RCOR3: variants seen among roughly 807,000 people sequenced by gnomAD.
The protein encoded by RCOR3 is REST corepressor 3.
Under a neutral mutation model 64.1 loss-of-function variants are expected in RCOR3, and 13 were observed. That is an observed-to-expected ratio of 0.20 (90% confidence interval 0.13 to 0.32). The LOEUF is 0.32. Ranked by LOEUF, RCOR3 falls within the 10% of genes least tolerant of loss-of-function variation. The pLI, the probability that RCOR3 is intolerant of heterozygous loss-of-function variation, is 1.00. For synonymous variants in RCOR3, 215 were observed against 239.0 expected, an observed-to-expected ratio of 0.90 and a Z score of 0.93; for missense variants, 489 against 701.2, an observed-to-expected ratio of 0.70 and a Z score of 3.42.
chr1:211,263,382 A>T (rs968404473), intron 2 of RCOR3, among the ~76,000 whole-genome samples: 8 of 152,160 alleles, frequency 5.3e-5, no homozygotes, highest in Non-Finnish European at 1.2e-4. Context: ...GAGGAAAAAA[A>T]TCACTGAAAT....
At position 211,289,251 on chromosome 1, in the gene RCOR3, G is replaced by A. The variant is rs1290109430; in HGVS notation, c.794G>A (p.Arg265His). The A allele has an allele frequency of 3.1e-6, 5 of 1,613,930 alleles. No individual in the cohort carries two copies. Among genetic ancestry groups the A allele is most frequent in the Admixed American group, 1.7e-5 (1 of 59,996 alleles). The change falls in exon 8 of 12, where the codon CGC becomes CAC. Residue 265 changes from arginine (R) to histidine (H), a missense_variant. Around this residue, in one of 2 missense-constraint regions of RCOR3, gnomAD observed 402 missense variants for 617.0 expected, o/e 0.65. Coordinates refer to ENST00000419091, the MANE Select transcript of RCOR3 (RefSeq NM_001136223.3). ...GRREYQSLQH[R>H]HHSQRSKCRP... ...AGAGAGTATCAGAGTTTACAACATC[G>A]CCATCATTCTCAGCGTTCTAAGTGC...
chr1:211,271,932 C>T (rs992326919), intron 3 of RCOR3: 2 of 160,780 alleles, frequency 1.2e-5, no homozygotes, highest in African/African-American at 2.4e-5. Context: ...TATTAAATAA[C>T]ATCAACAACA....
intron 2 of RCOR3, chr1:211,267,759 T>C: frequency 3.3e-6 from 1 of 303,040 alleles, no homozygotes; most frequent in Non-Finnish European, 6.5e-6. Context: ...ATCCAGCTAA[T>C]TTTTTGTGTT....
At chr1:211,287,301 T>C (rs1698666728) in intron 7 of RCOR3, among the ~76,000 whole-genome samples, 1 of 152,180 alleles carries the variant, frequency 6.6e-6, no homozygotes, top group Non-Finnish European at 1.5e-5. Flanking sequence ...TTTAGCATTT[T>C]GGCTTGTCTC....
At chr1:211,280,965 CAA>C (rs1050140116) in intron 7 of RCOR3, among the ~76,000 whole-genome samples, 4 of 118,598 alleles carry the variant, frequency 3.4e-5, no homozygotes, top group South Asian at 2.9e-4. Context: ...GCCTGGGTAA[CAA>C]GAGCGAAACT....
intron 9 of RCOR3, among the ~76,000 whole-genome samples, chr1:211,300,685 C>A (rs1421803986): frequency 6.6e-6 from 1 of 152,116 alleles, no homozygotes; most frequent in African/African-American, 2.4e-5. Flanking sequence ...TTAAATTACA[C>A]AAATTTATCC....
At chr1:211,304,574 T>C (rs1226927896) in intron 10 of RCOR3, among the ~76,000 whole-genome samples, 1 of 152,228 alleles carries the variant, frequency 6.6e-6, no homozygotes, top group Non-Finnish European at 1.5e-5. Flanking sequence ...AAATATTAAC[T>C]ATATGTTTAA....
At chr1:211,308,661 GTTTTTTTTTT>G (rs780896956) in intron 10 of RCOR3, among the ~76,000 whole-genome samples, 6 of 27,488 alleles carry the variant, frequency 2.2e-4, no homozygotes, top group Non-Finnish European at 4.8e-4. Context: ...TTTTGGATGT[GTTTTTTTTTT>G]TGTTTTTTTT....
Position 211,259,440 on chromosome 1 carries a change from T to TCCG in RCOR3, c.-108_-106dup, listed in dbSNP as rs995638991. On this transcript the variant is annotated 5_prime_UTR_variant, in exon 1 of 12. Transcript: ENST00000419091. ...CTCCATATTAACAGCCTCCTCCTCC[T>TCCG]CCGCCGCCGCCGCCGTCTCCTCCTC... The TCCG allele has an allele frequency of 1.6e-4, 161 of 993,878 alleles. No individual in the cohort carries two copies. The East Asian group carries it at 2.0e-3, about 12-fold the overall frequency. The allele number at this position is 993,878 out of a possible 1,614,324, so 61.6% of individuals were successfully genotyped here.
Position 211,314,087 on chromosome 1 carries a change from T to C in RCOR3, c.*319T>C, listed in dbSNP as rs75874045. On this transcript the variant is annotated 3_prime_UTR_variant, in exon 12 of 12. Transcript: ENST00000419091. ...TTTTGTTTTTACTGTATTTATTTTA[T>C]TGAGGTTCTTTATATTCCTGCCTCT... The C allele has an allele frequency of 0.02, 4,496 of 229,712 alleles. 216 individuals are homozygous for C. The highest frequency in any genetic ancestry group is 0.095 in the African/African-American group (4,139 of 43,792). The allele number at this position is 229,712 out of a possible 1,614,324, so 14.2% of individuals were successfully genotyped here.
chr1:211,286,177 T>G (rs1032940585), intron 7 of RCOR3, among the ~76,000 whole-genome samples: 2 of 152,212 alleles, frequency 1.3e-5, no homozygotes, highest in African/African-American at 4.8e-5. Flanking sequence ...CTTTCTTATT[T>G]TTACCTTCTA....
intron 9 of RCOR3, chr1:211,303,181 G>A (rs554342804): frequency 1.3e-5 from 2 of 151,996 alleles, no homozygotes; most frequent in South Asian, 2.1e-4. Flanking sequence ...TTCTAACTCC[G>A]TTTTTTTACT....
intron 2 of RCOR3, among the ~76,000 whole-genome samples, chr1:211,269,415 A>G (rs1049086853): frequency 3.9e-5 from 6 of 151,968 alleles, no homozygotes; most frequent in Non-Finnish European, 5.9e-5. Context: ...GGCCAACATG[A>G]TGAAACCCTG....
intron 2 of RCOR3, among the ~76,000 whole-genome samples, chr1:211,267,296 T>C (rs1252837961): frequency 6.6e-6 from 1 of 152,224 alleles, no homozygotes; most frequent in Non-Finnish European, 1.5e-5. Context: ...GGAGTTGGGC[T>C]TCGTAGTTCA....
In RCOR3 at chr1:211,314,296, A is replaced by G. The variant is rs1455137552; in HGVS notation, c.*528A>G. 1 of 152,238 alleles carries G rather than the reference A, an allele frequency of 6.6e-6. No individual in the cohort carries two copies. The highest frequency in any genetic ancestry group is 1.5e-5 in the Non-Finnish European group (1 of 68,080). The allele number at this position is 152,238 out of a possible 1,614,324, so 9.4% of individuals were successfully genotyped here. On this transcript the variant is annotated 3_prime_UTR_variant, in exon 12 of 12. Coordinates refer to ENST00000419091, the MANE Select transcript of RCOR3 (RefSeq NM_001136223.3). ...TATGTTCATTTTATGCATATTTAAGAAATTATAGCTGCATATCCCTTCTTT... is the reference window on the plus strand; with the variant it reads ...TATGTTCATTTTATGCATATTTAAGGAATTATAGCTGCATATCCCTTCTTT...
chr1:211,308,735 A>G (rs1287793017), intron 10 of RCOR3, among the ~76,000 whole-genome samples: 2 of 87,274 alleles, frequency 2.3e-5, no homozygotes, highest in South Asian at 4.5e-4. Flanking sequence ...TTTTTGAGAC[A>G]GAGTCTCACT....
chr1:211,259,688 C>T lies in RCOR3; in HGVS notation c.128C>T (p.Ser43Leu). 6.5e-7 allele frequency: 1 copy of T among 1,540,428 alleles called. No individual in the cohort carries two copies. Among genetic ancestry groups the T allele is most frequent in the Non-Finnish European group, 8.8e-7 (1 of 1,142,450 alleles). The change falls in exon 1 of 12, where the codon TCA (serine) becomes TTA (leucine). Residue 43 changes from serine (S) to leucine (L), a missense_variant. Coordinates refer to ENST00000419091, the MANE Select transcript of RCOR3 (RefSeq NM_001136223.3). ...ASSTNGGLHY[S>L]EPESGCSSDD... The stretch of plus-strand genomic sequence containing the variant: ...TCCACCAACGGCGGGCTGCACTACT[C>T]AGAGCCCGAGAGCGGCTGCAGCAGC...
At chr1:211,305,192 G>A (rs1371356608) in intron 10 of RCOR3, among the ~76,000 whole-genome samples, 1 of 152,198 alleles carries the variant, frequency 6.6e-6, no homozygotes, top group East Asian at 1.9e-4. Context: ...AATGTCACAG[G>A]AGGGTGCCAG....
chr1:211,302,181 T>G (rs1700445333), intron 9 of RCOR3: 1 of 152,254 alleles, frequency 6.6e-6, no homozygotes, highest in South Asian at 2.1e-4. Flanking sequence ...CTGTAGCTGT[T>G]ATCTGTCCCA....
Sources: allele counts gnomAD v4.1 joint callset (sites outside exome capture counted in the v4.1 genomes callset), GRCh38; gene constraint gnomAD v4.1.1; regional missense constraint gnomAD v4.1.1; transcripts MANE v1.5; gene names NCBI Gene and HGNC (gene_info 2026-07-23, HGNC 2026-07-21).